Variants in CACNG6 observed in about 807,000 individuals in gnomAD.
CACNG6 encodes the protein calcium voltage-gated channel auxiliary subunit gamma 6.
CACNG6 carries 21 observed loss-of-function variants against 23.9 expected under a neutral mutation model. The observed-to-expected ratio is 0.88, with a 90% CI of 0.62 to 1.26. The LOEUF (loss-of-function observed/expected upper bound fraction) is 1.26, where lower values mean the gene tolerates loss of function less well. Among genes scored for constraint, CACNG6 ranks in the 50% most tolerant of loss-of-function variants. The pLI is 0.00. For synonymous variants in CACNG6, 182 were observed against 168.9 expected (o/e 1.08, Z -0.60); for missense variants, 340 against 352.9 (o/e 0.96, Z 0.29).
chr19:53,992,770 A>T lies in CACNG6; in HGVS notation c.-108A>T, dbSNP rs746105624. On this transcript the variant is annotated 5_prime_UTR_variant, in exon 1 of 4. Transcript: ENST00000252729. This position sits in a 1 kb window ranked among gnomAD's most constrained non-coding sequence, Gnocchi z 4.1. ...TCTCCCTCTTTCATACCCAGGGGAAACTGAGTCCCTCACCCCCTTCAAGAC... is the reference window on the plus strand; with the variant it reads ...TCTCCCTCTTTCATACCCAGGGGAATCTGAGTCCCTCACCCCCTTCAAGAC... 4 of 636,574 alleles carry T rather than the reference A, an allele frequency of 6.3e-6. No individual in the cohort carries two copies. Among genetic ancestry groups the T allele is most frequent in the African/African-American group, 1.9e-5 (1 of 52,984 alleles). The allele number at this position is 636,574 out of a possible 1,614,324, so 39.4% of individuals were successfully genotyped here.
chr19:54,011,430 C>CAAAA (rs59105087), intron 3 of CACNG6, among the ~76,000 whole-genome samples: 1 of 100,560 alleles, frequency 9.9e-6, no homozygotes, highest in African/African-American at 3.7e-5. Context: ...GACTCCGTCT[C>CAAAA]AAAAAAAAAA....
In CACNG6 at chr19:53,993,096, C is replaced by G; in HGVS notation, c.219C>G (p.Ser73Arg). ...VELNTYKANGSAVCEAAHLGL... is the reference protein window; with the variant it reads ...VELNTYKANGRAVCEAAHLGL... Reference sequence around the variant, plus strand: ...TCAACACCTACAAGGCCAACGGCAGCGCCGTGTGCGAAGCGGCCCACCTGG... The same window carrying G: ...TCAACACCTACAAGGCCAACGGCAGGGCCGTGTGCGAAGCGGCCCACCTGG... The change falls in exon 1 of 4, where the codon AGC (serine) becomes AGG (arginine). Residue 73 changes from serine to arginine, a missense_variant. By Grantham distance (110) the Ser-to-Arg change is moderately radical. Transcript: ENST00000252729. The G allele has an allele frequency of 6.5e-7, 1 of 1,545,726 alleles. No individual in the cohort carries two copies. Among genetic ancestry groups the G allele is most frequent in the East Asian group, 2.5e-5 (1 of 40,670 alleles).
At chr19:54,000,126 C>T (rs1303548345) in intron 3 of CACNG6, among the ~76,000 whole-genome samples, 1 of 152,192 alleles carries the variant, frequency 6.6e-6, no homozygotes, top group Non-Finnish European at 1.5e-5. Flanking sequence ...TTTCCAATCA[C>T]TGTTGCATGC....
intron 3 of CACNG6, among the ~76,000 whole-genome samples, chr19:54,007,862 T>C (rs1884096613): frequency 6.6e-6 from 1 of 150,642 alleles, no homozygotes; most frequent in Non-Finnish European, 1.5e-5. Context: ...ATCGCGCCAC[T>C]GCACTCCAGC....
chr19:54,000,433 T>C (rs2145958271), intron 3 of CACNG6, among the ~76,000 whole-genome samples: 1 of 152,364 alleles, frequency 6.6e-6, no homozygotes, highest in South Asian at 2.1e-4. Flanking sequence ...GCAAGGACTG[T>C]TGCATTCTTG....
rs141391745 is a variant in CACNG6 at position 53,999,741 on chromosome 19, C to G, written c.514C>G (p.Arg172Gly). 3 of 1,613,934 alleles carry G rather than the reference C, an allele frequency of 1.9e-6. No individual in the cohort carries two copies. The highest frequency in any genetic ancestry group is 2.5e-6 in the Non-Finnish European group (3 of 1,180,040). ...CAGTAAAGGTGCAGAGTTCCTGCTCCGAGTTGGAGCCGTCTGCTTTGGCCT... is the reference window on the plus strand; with the variant it reads ...CAGTAAAGGTGCAGAGTTCCTGCTCGGAGTTGGAGCCGTCTGCTTTGGCCT... The part of the protein sequence containing the change: ...VLSKGAEFLL[R>G]VGAVCFGLSG... Residue 172 changes from arginine to glycine, a missense_variant, in exon 3 of 4, where the codon CGA becomes GGA. Physicochemically the swap from Arg to Gly is moderately radical, Grantham distance 125. Coordinates refer to ENST00000252729, the MANE Select transcript of CACNG6 (RefSeq NM_145814.2).
chr19:53,995,340 A>G (rs1490477059), intron 1 of CACNG6, among the ~76,000 whole-genome samples: 3 of 152,146 alleles, frequency 2.0e-5, no homozygotes, highest in Non-Finnish European at 4.4e-5. Context: ...CCAACCCCTC[A>G]GAGGACATCT....
chr19:54,002,270 TTTTTG>T (rs1194956292), intron 3 of CACNG6, among the ~76,000 whole-genome samples: 4 of 134,702 alleles, frequency 3.0e-5, no homozygotes, highest in Admixed American at 2.3e-4. Context: ...ATTTTCGGTT[TTTTTG>T]TTTTTTTTGT....
intron 3 of CACNG6, among the ~76,000 whole-genome samples, chr19:54,011,096 T>C (rs866991540): frequency 4.7e-5 from 7 of 150,188 alleles, no homozygotes; most frequent in Admixed American, 2.0e-4. Context: ...CTCTCACCTG[T>C]CATCTCAGCA....
At chr19:53,997,900 A>G (rs554815745) in intron 1 of CACNG6, among the ~76,000 whole-genome samples, 3 of 152,136 alleles carry the variant, frequency 2.0e-5, no homozygotes, top group African/African-American at 7.2e-5. Flanking sequence ...GTGATTATCC[A>G]TATGTAATCC....
rs1286872767 is a variant in CACNG6, at chr19:53,991,701, G to C, written c.-1177G>C. Reference sequence around the variant, plus strand: ...GGCAGCGCGGAGCTGGGGTCGGCGCGGGGCCGAGGCAGGAGAGCGAGAGGG... The same window carrying C: ...GGCAGCGCGGAGCTGGGGTCGGCGCCGGGCCGAGGCAGGAGAGCGAGAGGG... On this transcript the variant is annotated 5_prime_UTR_variant, in exon 1 of 4. Coordinates refer to ENST00000252729, the MANE Select transcript of CACNG6 (RefSeq NM_145814.2). Among the ~76,000 whole-genome samples, 1 of 152,060 alleles carries C rather than the reference G, an allele frequency of 6.6e-6. No homozygotes were observed. The highest frequency in any genetic ancestry group is 1.5e-5 in the Non-Finnish European group (1 of 67,978).
At chr19:53,991,477 C>T (rs888120098), upstream of CACNG6, among the ~76,000 whole-genome samples, 5 of 152,152 alleles carry the variant, frequency 3.3e-5, no homozygotes, top group African/African-American at 1.2e-4. Context: ...TCCCTCCCCC[C>T]TTCCTCGTCC....
intron 3 of CACNG6, among the ~76,000 whole-genome samples, chr19:54,003,154 C>T (rs533092014): frequency 2.3e-3 from 347 of 152,238 alleles, no homozygotes; most frequent in Non-Finnish European, 3.6e-3. Flanking sequence ...ACATGTACTT[C>T]ATACAGAGAT....
chr19:54,001,044 A>G (rs2069570054), intron 3 of CACNG6, among the ~76,000 whole-genome samples: 2 of 152,146 alleles, frequency 1.3e-5, no homozygotes, highest in Non-Finnish European at 2.9e-5. Context: ...GCTGGAGTGC[A>G]GTGGCACGAT....
intron 3 of CACNG6, among the ~76,000 whole-genome samples, chr19:54,001,534 C>G (rs769847386): frequency 3.9e-5 from 6 of 152,144 alleles, no homozygotes; most frequent in Non-Finnish European, 7.4e-5. Flanking sequence ...CCTGTGCACC[C>G]CCAGGGGTAA....
intron 3 of CACNG6, among the ~76,000 whole-genome samples, chr19:54,001,345 C>A (rs184950274): frequency 6.6e-6 from 1 of 151,992 alleles, no homozygotes. Flanking sequence ...TGTGCCACCA[C>A]GCCTGGCTAA....
chr19:54,009,007 G>A (rs113624666), intron 3 of CACNG6, among the ~76,000 whole-genome samples: 4 of 152,272 alleles, frequency 2.6e-5, no homozygotes, highest in African/African-American at 9.6e-5. Flanking sequence ...AGCAATTATA[G>A]GCCGGGTGCG....
intron 2 of CACNG6, among the ~76,000 whole-genome samples, chr19:53,999,254 A>G (rs1365203615): frequency 6.6e-6 from 1 of 152,120 alleles, no homozygotes; most frequent in Non-Finnish European, 1.5e-5. Flanking sequence ...TGTAGGAAGT[A>G]GTTGGTGAGA....
Position 53,999,753 on chromosome 19 carries a change from G to A in CACNG6, c.526G>A (p.Val176Ile), listed in dbSNP as rs147457475. 105 of 1,613,906 alleles carry A rather than the reference G, an allele frequency of 6.5e-5. No homozygotes were observed. Among genetic ancestry groups the A allele is most frequent in the African/African-American group, 1.7e-4 (13 of 75,052 alleles). Residue 176 changes from valine to isoleucine, a missense_variant, in exon 3 of 4, where the codon GTC becomes ATC. Coordinates refer to ENST00000252729, the MANE Select transcript of CACNG6 (RefSeq NM_145814.2). ...AGAGTTCCTGCTCCGAGTTGGAGCC[G>A]TCTGCTTTGGCCTCTCAGGTGAGGG... ...GAEFLLRVGA[V>I]CFGLSGLLLL...
Sources: allele counts gnomAD v4.1 joint callset (sites outside exome capture counted in the v4.1 genomes callset), GRCh38; gene constraint gnomAD v4.1.1; non-coding constraint Gnocchi (gnomAD v3.1); transcripts MANE v1.5; gene names NCBI Gene and HGNC (gene_info 2026-07-23, HGNC 2026-07-21).